Variants in FMO1 observed in about 807,000 individuals in gnomAD.
FMO1 encodes the protein flavin-containing monooxygenase 1.
A neutral mutation model predicts 45.4 loss-of-function variants in FMO1; 36 were observed. The ratio of observed to expected loss-of-function variants is 0.79; its 90% confidence interval spans 0.61 to 1.05. FMO1 has a LOEUF of 1.05. FMO1 is among the 50% of genes least tolerant of loss of function. The pLI is 0.00. For synonymous variants in FMO1, 228 were observed against 227.2 expected, an observed-to-expected ratio of 1.00 and a Z score of -0.03; for missense variants, 615 against 640.3, an observed-to-expected ratio of 0.96 and a Z score of 0.43.
At chr1:171,271,512 T>C in intron 3 of FMO1, 1 of 891,548 alleles carries the variant, frequency 1.1e-6, no homozygotes, top group Non-Finnish European at 1.9e-6. Context: ...CTTCTTATGC[T>C]CTTCCCGACA....
chr1:171,259,000 A>G (rs544751941), intron 2 of FMO1, among the ~76,000 whole-genome samples: 1 of 152,284 alleles, frequency 6.6e-6, no homozygotes, highest in Admixed American at 6.5e-5. Flanking sequence ...TCAGGGAAAC[A>G]TTTGCATCAA....
intron 2 of FMO1, among the ~76,000 whole-genome samples, chr1:171,263,493 C>A (rs575200333): frequency 1.3e-5 from 2 of 152,258 alleles, no homozygotes; most frequent in African/African-American, 4.8e-5. Context: ...TCCTGGGCTG[C>A]GTCTCAAAGA....
intron 2 of FMO1, among the ~76,000 whole-genome samples, chr1:171,260,700 G>A (rs1481139299): frequency 1.3e-5 from 2 of 151,948 alleles, no homozygotes; most frequent in African/African-American, 4.8e-5. Flanking sequence ...GAAGGCCGAG[G>A]TGGACAGATC....
chr1:171,278,711 C>A lies in FMO1; in HGVS notation c.485-18C>A. 1 of 1,539,204 alleles carries A rather than the reference C, an allele frequency of 6.5e-7. No individual in the cohort carries two copies. On this transcript the variant is annotated intron_variant, in intron 4 of 8. Coordinates refer to ENST00000617670, the MANE Select transcript of FMO1 (RefSeq NM_001282693.2). ...ATCCTGTTAATTCTCTGTGTGACTTCTCTTTTATTTTCTATAGGTATTAAT... is the reference window on the plus strand; with the variant it reads ...ATCCTGTTAATTCTCTGTGTGACTTATCTTTTATTTTCTATAGGTATTAAT...
In FMO1 at chr1:171,258,506, A is replaced by G. The variant is rs1039599725; in HGVS notation, c.132+287A>G. Among the ~76,000 whole-genome samples the G allele has an allele frequency of 2.5e-4, 38 of 152,222 alleles. 1 individual carries two copies. Among genetic ancestry groups the G allele is most frequent in the Admixed American group, 6.5e-5 (1 of 15,282 alleles). On this transcript the variant is annotated intron_variant, in intron 2 of 8. Transcript: ENST00000617670. ...GAGAATGGAGTAACTGGGCCAGGCCAGGAAAGCCTAGGAGCAAAGGAGCAG... is the reference window on the plus strand; with the variant it reads ...GAGAATGGAGTAACTGGGCCAGGCCGGGAAAGCCTAGGAGCAAAGGAGCAG...
intron 1 of FMO1, 62 bp from the exon 2 acceptor site, chr1:171,258,020 A>G: frequency 1.3e-6 from 2 of 1,596,576 alleles, no homozygotes; most frequent in African/African-American, 1.3e-5. Flanking sequence ...CTGGCTTGTT[A>G]GAGCAGCCAA....
intron 4 of FMO1, among the ~76,000 whole-genome samples, chr1:171,276,664 A>G (rs1661121745): frequency 6.6e-6 from 1 of 152,194 alleles, no homozygotes; most frequent in Non-Finnish European, 1.5e-5. Flanking sequence ...ATAAGGCAAC[A>G]TGTAACCTGT....
At chr1:171,283,900 A>C (rs558485372) in intron 8 of FMO1, among the ~76,000 whole-genome samples, 4 of 152,276 alleles carry the variant, frequency 2.6e-5, no homozygotes, top group African/African-American at 7.2e-5. Flanking sequence ...AAGCCTGAAC[A>C]TTTACTGTCT....
chr1:171,285,158 G>GT (rs758965545), intron 8 of FMO1, 44 bp from the exon 9 acceptor site: 86 of 1,331,828 alleles, frequency 6.5e-5, no homozygotes, highest in South Asian at 1.9e-4. Context: ...AAGATTATCA[G>GT]TTTTTTTGTC....
intron 6 of FMO1, 80 bp downstream of exon 6, chr1:171,281,065 AC>A: frequency 8.9e-7 from 1 of 1,121,814 alleles, no homozygotes; most frequent in Non-Finnish European, 1.3e-6. Flanking sequence ...GCCAGGCAGT[AC>A]CACAGCAACA....
intron 3 of FMO1, 113 bp from the exon 4 acceptor site, chr1:171,275,233 T>G: frequency 1.3e-6 from 1 of 791,226 alleles, no homozygotes; most frequent in Non-Finnish European, 2.0e-6. Flanking sequence ...TTATACTTAT[T>G]AATTATGTTT....
Position 171,275,363 on chromosome 1 carries a change from A to C in FMO1, c.339A>C (p.Val113=). The change falls in exon 4 of 9, where the codon GTA becomes GTC. Residue 113 remains valine, a synonymous_variant. Transcript: ENST00000617670. ...HIQFKTKVCS[V]TKCSDSAVSG... ...TTTTTCAGACCAAAGTCTGCAGTGT[A>C]ACAAAATGCTCAGATTCTGCTGTCT... 1 of 1,613,952 alleles carries C rather than the reference A, an allele frequency of 6.2e-7. No homozygotes were observed. Among genetic ancestry groups the C allele is most frequent in the Non-Finnish European group, 8.5e-7 (1 of 1,179,918 alleles).
At chr1:171,275,101 A>C (rs1258577344) in intron 3 of FMO1, among the ~76,000 whole-genome samples, 1 of 152,178 alleles carries the variant, frequency 6.6e-6, no homozygotes, top group Non-Finnish European at 1.5e-5. Flanking sequence ...TTTCTGTGAG[A>C]ATTTGAGCAA....
intron 8 of FMO1, among the ~76,000 whole-genome samples, chr1:171,284,668 G>A (rs982700856): frequency 6.6e-6 from 1 of 150,636 alleles, no homozygotes; most frequent in African/African-American, 2.4e-5. Context: ...GGAGTTCAAG[G>A]TTGCAGTGAG....
At position 171,282,094 on chromosome 1, in the gene FMO1, A is replaced by G. The variant is rs745465191; in HGVS notation, c.944A>G (p.Asn315Ser). Residue 315 changes from asparagine (N) to serine (S), a missense_variant, in exon 7 of 9, where the codon AAT (asparagine) becomes AGT (serine). Coordinates refer to ENST00000617670, the MANE Select transcript of FMO1 (RefSeq NM_001282693.2). ...EVKENSVIFN[N>S]TSKEEPIDII... ...AAGGAAAACTCTGTCATATTTAACA[A>G]TACTTCAAAGGAAGAGCCTATTGAC... is the stretch of plus-strand genomic sequence containing the variant. 6 of 1,613,814 alleles carry G rather than the reference A, an allele frequency of 3.7e-6. No individual in the cohort carries two copies. In the Admixed American group the frequency reaches 8.3e-5, roughly 22 times the overall value.
intron 3 of FMO1, among the ~76,000 whole-genome samples, chr1:171,274,793 T>C (rs575569658): frequency 4.2e-4 from 64 of 152,224 alleles, no homozygotes; most frequent in Non-Finnish European, 8.4e-4. Context: ...ATGTATGTAC[T>C]CACTAAGAGC....
At chr1:171,256,388 T>C (rs1399242241) in intron 1 of FMO1, among the ~76,000 whole-genome samples, 3 of 151,338 alleles carry the variant, frequency 2.0e-5, no homozygotes, top group Admixed American at 1.3e-4. Context: ...CATGATAGAA[T>C]AGGATTCTGA....
chr1:171,252,573 T>C (rs1395968388), intron 1 of FMO1, among the ~76,000 whole-genome samples: 1 of 152,218 alleles, frequency 6.6e-6, no homozygotes, highest in African/African-American at 2.4e-5. Flanking sequence ...ATTCCATGGC[T>C]GAGAGTCGGT....
At chr1:171,274,745 A>G (rs1379477530) in intron 3 of FMO1, among the ~76,000 whole-genome samples, 1 of 152,220 alleles carries the variant, frequency 6.6e-6, no homozygotes, top group Non-Finnish European at 1.5e-5. Flanking sequence ...GATTTATTGT[A>G]CATATATTTC....
Sources: allele counts gnomAD v4.1 joint callset (sites outside exome capture counted in the v4.1 genomes callset), GRCh38; gene constraint gnomAD v4.1.1; transcripts MANE v1.5; gene names NCBI Gene and HGNC (gene_info 2026-07-23, HGNC 2026-07-21).